The following PRKN variants were observed in gnomAD, a reference collection of about 807,000 sequenced individuals.
PRKN encodes E3 ubiquitin-protein ligase parkin.
PRKN carries 56 observed loss-of-function variants against 59.5 expected under a neutral mutation model. The ratio of observed to expected loss-of-function variants is 0.94; its 90% CI spans 0.76 to 1.18. PRKN has a LOEUF of 1.18. Among genes scored for constraint, PRKN ranks in the 50% most tolerant of loss-of-function variants. PRKN has a pLI of 0.00. For synonymous variants in PRKN, 250 were observed against 222.1 expected (o/e 1.13, Z -1.12); for missense variants, 657 against 596.4 (o/e 1.10, Z -1.06).
intron 10 of PRKN, among the ~76,000 whole-genome samples, chr6:161,366,765 G>C (rs911833969): frequency 2.6e-5 from 4 of 152,084 alleles, no homozygotes; most frequent in Non-Finnish European, 4.4e-5. Flanking sequence ...CTTGTAACCA[G>C]CCCGGGTGTT....
rs1784428843 is a variant in PRKN at position 161,349,165 on chromosome 6, T to G, written c.*934A>C. 4.5e-6 allele frequency: 1 copy of G among 222,274 alleles called. No homozygotes were observed. The highest frequency in any genetic ancestry group is 1.8e-4 in the South Asian group (1 of 5,436). The allele number at this position is 222,274 out of a possible 1,614,324, so 13.8% of individuals were successfully genotyped here. On this transcript the variant is annotated 3_prime_UTR_variant, in exon 12 of 12. Coordinates refer to ENST00000366898, the MANE Select transcript of PRKN (RefSeq NM_004562.3). This position sits in a 1 kb window ranked among gnomAD's most constrained non-coding sequence, Gnocchi z 5.5. ...TGTTCACTTTTGTTAAGATTGAATA[T>G]CATTTTGAAATCATTTCTAAACGTG...
chr6:161,376,751 G>A lies in PRKN; in HGVS notation c.1167+10043C>T, dbSNP rs1785722531. ...CTCAGTCTTCTGTGGCAACCGCACT[G>A]CAGTGGGACTCCACCTCTGCCCAAC... On this transcript the variant is annotated intron_variant, in intron 10 of 11. Coordinates refer to ENST00000366898, the MANE Select transcript of PRKN (RefSeq NM_004562.3). This position sits in a 1 kb window ranked among gnomAD's most constrained non-coding sequence, Gnocchi z 7.3. 6.6e-6 allele frequency among the ~76,000 whole-genome samples: 1 copy of A among 152,204 alleles called. No homozygotes were observed. Among genetic ancestry groups the A allele is most frequent in the Non-Finnish European group, 1.5e-5 (1 of 68,038 alleles).
rs562000811 is a variant in PRKN at position 161,418,584 on chromosome 6, T to A, written c.1084-31707A>T. On this transcript the variant is annotated intron_variant, in intron 9 of 11. Transcript: ENST00000366898. Reference sequence around the variant, plus strand: ...CGTGATCATCTTCCGCCAGTAGGTGTCACTGTTCATTTAGCACAAACCATA... The same window carrying A: ...CGTGATCATCTTCCGCCAGTAGGTGACACTGTTCATTTAGCACAAACCATA... Among the ~76,000 whole-genome samples the A allele has an allele frequency of 2.3e-3, 351 of 152,304 alleles. 2 individuals carry two copies. The highest frequency in any genetic ancestry group is 8.1e-3 in the African/African-American group (337 of 41,538).
At chr6:161,617,706 T>G (rs1223526229) in intron 7 of PRKN, among the ~76,000 whole-genome samples, 1 of 152,210 alleles carries the variant, frequency 6.6e-6, no homozygotes. Context: ...ATATCCAACA[T>G]AAGTGGAGGT....
At chr6:161,739,392 C>T (rs1020004925) in intron 7 of PRKN, among the ~76,000 whole-genome samples, 1 of 151,730 alleles carries the variant, frequency 6.6e-6, no homozygotes, top group Non-Finnish European at 1.5e-5. Flanking sequence ...TGGGCGACAG[C>T]GAGACTATGC....
rs1004567206 is a variant in PRKN at position 161,636,090 on chromosome 6, G to A, written c.872-66674C>T. Among the ~76,000 whole-genome samples, 8 of 152,190 alleles carry A rather than the reference G, an allele frequency of 5.3e-5. No individual in the cohort carries two copies. In the East Asian group the frequency reaches 1.5e-3, roughly 29 times the overall value. ...CCATCTCGAGTCTCCCAGGCACTAT[G>A]AGCAGGCCGTTGTGCTGAGGGCAGC... On this transcript the variant is annotated intron_variant, in intron 7 of 11. Transcript: ENST00000366898.
chr6:162,221,109 G>A (rs1583219085), intron 3 of PRKN, among the ~76,000 whole-genome samples: 1 of 152,162 alleles, frequency 6.6e-6, no homozygotes, highest in East Asian at 1.9e-4. Flanking sequence ...ACTGGTTCCT[G>A]CTGGAATAGT....
rs892393738 is a variant in PRKN, at chr6:161,401,223, C to G, written c.1084-14346G>C. On this transcript the variant is annotated intron_variant, in intron 9 of 11. Coordinates refer to ENST00000366898, the MANE Select transcript of PRKN (RefSeq NM_004562.3). The surrounding 1 kb of genome is among the most constrained non-coding windows in gnomAD (Gnocchi z 4.4). Reference sequence around the variant, plus strand: ...GGCATGGTTTTAGCAACAGGACTTTCATTTGTGATAGTTCAGTCACGTCCT... The same window carrying G: ...GGCATGGTTTTAGCAACAGGACTTTGATTTGTGATAGTTCAGTCACGTCCT... Among the ~76,000 whole-genome samples, 3 of 152,144 alleles carry G rather than the reference C, an allele frequency of 2.0e-5. No individual in the cohort carries two copies. The highest frequency in any genetic ancestry group is 2.9e-5 in the Non-Finnish European group (2 of 68,036).
chr6:162,540,837 C>T (rs1778900940), intron 1 of PRKN, among the ~76,000 whole-genome samples: 1 of 151,142 alleles, frequency 6.6e-6, no homozygotes, highest in Non-Finnish European at 1.5e-5. Flanking sequence ...AAAAATGATA[C>T]TAAAGACCTT....
intron 1 of PRKN, among the ~76,000 whole-genome samples, chr6:162,700,680 C>T (rs1778121952): frequency 6.6e-6 from 1 of 151,918 alleles, no homozygotes; most frequent in African/African-American, 2.4e-5. Context: ...TTTTTGAATG[C>T]CAAATCTGAT....
intron 1 of PRKN, among the ~76,000 whole-genome samples, chr6:162,488,296 C>T (rs140986588): frequency 3.0e-4 from 45 of 152,250 alleles, no homozygotes; most frequent in Non-Finnish European, 5.0e-4. Context: ...TAAGGAAACG[C>T]CCCTATGCCT....
chr6:161,667,821 T>C (rs1005595356), intron 7 of PRKN, among the ~76,000 whole-genome samples: 1 of 152,202 alleles, frequency 6.6e-6, no homozygotes, highest in African/African-American at 2.4e-5. Context: ...ATATTTAAAC[T>C]TTTCTTCATT....
chr6:161,854,084 T>TA (rs34040894), intron 6 of PRKN, among the ~76,000 whole-genome samples: 20,115 of 103,620 alleles, frequency 0.19, 1,717 homozygotes, highest in African/African-American at 0.29. Flanking sequence ...TGTTTCTACA[T>TA]AAAAAAAAAA....
intron 6 of PRKN, among the ~76,000 whole-genome samples, chr6:161,814,524 T>C (rs578034529): frequency 2.6e-5 from 4 of 152,222 alleles, no homozygotes; most frequent in Middle Eastern, 3.4e-3. Flanking sequence ...TTTTTTGAGA[T>C]GGAGTTTCAC....
At chr6:162,469,805 C>T (rs1043011096) in intron 1 of PRKN, among the ~76,000 whole-genome samples, 6 of 151,846 alleles carry the variant, frequency 4.0e-5, no homozygotes, top group Admixed American at 2.6e-4. Context: ...GATGGGTTCA[C>T]CAAAATCTCA....
chr6:162,102,935 T>C (rs1213756163), intron 4 of PRKN, among the ~76,000 whole-genome samples: 2 of 149,386 alleles, frequency 1.3e-5, no homozygotes, highest in African/African-American at 5.0e-5. Flanking sequence ...CCCAGCTACT[T>C]GGGAGGCTGA....
At chr6:162,380,507 GTGTATA>G (rs1562716722) in intron 2 of PRKN, among the ~76,000 whole-genome samples, 21 of 34,854 alleles carry the variant, frequency 6.0e-4, no homozygotes, top group East Asian at 6.5e-4. Flanking sequence ...ATATATATGT[GTGTATA>G]TATATATATA....
At chr6:162,472,117 C>T (rs959840096) in intron 1 of PRKN, among the ~76,000 whole-genome samples, 1 of 152,150 alleles carries the variant, frequency 6.6e-6, no homozygotes, top group Non-Finnish European at 1.5e-5. Context: ...GGAAGATACA[C>T]TTAATGAATC....
intron 6 of PRKN, among the ~76,000 whole-genome samples, chr6:161,932,625 C>T (rs760957496): frequency 6.6e-6 from 1 of 151,868 alleles, no homozygotes; most frequent in Non-Finnish European, 1.5e-5. Flanking sequence ...CTTTGCAAAG[C>T]GAAAAAAGGA....
Sources: allele counts gnomAD v4.1 joint callset (sites outside exome capture counted in the v4.1 genomes callset), GRCh38; gene constraint gnomAD v4.1.1; non-coding constraint Gnocchi (gnomAD v3.1); transcripts MANE v1.5; gene names NCBI Gene and HGNC (gene_info 2026-07-23, HGNC 2026-07-21).